LINGO2: variants seen among roughly 807,000 people sequenced by gnomAD.
LINGO2 encodes leucine-rich repeat and immunoglobulin-like domain-containing nogo receptor-interacting protein 2.
LINGO2 carries 14 observed loss-of-function variants against 30.6 expected under a neutral mutation model. The observed-to-expected ratio is 0.46, with a 90% CI of 0.30 to 0.72. LINGO2 has a LOEUF of 0.72. Among genes scored for constraint, LINGO2 ranks in the 30% least tolerant of loss-of-function variants. LINGO2 has a pLI of 0.07. For synonymous variants in LINGO2, 317 were observed against 288.5 expected (o/e 1.10, Z -1.00); for missense variants, 729 against 751.7 (o/e 0.97, Z 0.35).
At chr9:28,875,879 T>G in the LINGO2 span, among the ~76,000 whole-genome samples, 1 of 152,158 alleles carries the variant, frequency 6.6e-6, no homozygotes, top group African/African-American at 2.4e-5. Flanking sequence ...TAATGCTTAA[T>G]ACATTTATGT....
At chr9:29,002,384 C>T in the LINGO2 span, among the ~76,000 whole-genome samples, 2 of 151,976 alleles carry the variant, frequency 1.3e-5, no homozygotes, top group Admixed American at 6.6e-5. Flanking sequence ...ATATGAATAG[C>T]ACATACACAG....
chr9:28,843,442 G>T, the LINGO2 span, among the ~76,000 whole-genome samples: 2 of 151,572 alleles, frequency 1.3e-5, no homozygotes, highest in Non-Finnish European at 2.9e-5. Flanking sequence ...TAAGGTTACA[G>T]AAATAGATAA....
intron 1 of LINGO2, among the ~76,000 whole-genome samples, chr9:28,496,513 A>G (rs986105834): frequency 6.6e-6 from 1 of 151,056 alleles, no homozygotes; most frequent in African/African-American, 2.5e-5. Context: ...TTTGCTTGGT[A>G]GATCTTCCTC....
chr9:28,409,131 G>C (rs142033348), intron 2 of LINGO2, among the ~76,000 whole-genome samples: 4,514 of 151,952 alleles, frequency 0.03, 115 homozygotes, highest in Admixed American at 0.071. Flanking sequence ...AATAAATTTT[G>C]AACACATGGC....
At chr9:28,413,196 C>T (rs1471231061) in intron 2 of LINGO2, among the ~76,000 whole-genome samples, 2 of 152,142 alleles carry the variant, frequency 1.3e-5, no homozygotes, top group Middle Eastern at 3.4e-3. Flanking sequence ...AAATTAAATG[C>T]AGATTTTCGA....
intron 4 of LINGO2, among the ~76,000 whole-genome samples, chr9:28,254,760 A>T (rs930273362): frequency 2.0e-5 from 3 of 152,060 alleles, no homozygotes; most frequent in Admixed American, 6.6e-5. Flanking sequence ...GAAATACCAA[A>T]TTTTTTAAAA....
At chr9:29,057,407 T>A in the LINGO2 span, among the ~76,000 whole-genome samples, 1 of 152,204 alleles carries the variant, frequency 6.6e-6, no homozygotes, top group Non-Finnish European at 1.5e-5. Context: ...CAATCATTTA[T>A]AAAAGAATGA....
At chr9:28,312,468 A>T (rs527677978) in intron 3 of LINGO2, among the ~76,000 whole-genome samples, 2 of 152,232 alleles carry the variant, frequency 1.3e-5, no homozygotes, top group South Asian at 2.1e-4. Context: ...AAATAAAGTG[A>T]TTATGATTAC....
chr9:28,325,933 G>GTCT (rs755669469), intron 3 of LINGO2, among the ~76,000 whole-genome samples: 2 of 152,092 alleles, frequency 1.3e-5, no homozygotes, highest in South Asian at 4.1e-4. Flanking sequence ...TACTGCAACA[G>GTCT]TCTTAAATAA....
chr9:28,349,476 C>A (rs1819753804), intron 3 of LINGO2, among the ~76,000 whole-genome samples: 1 of 106,924 alleles, frequency 9.4e-6, no homozygotes, highest in South Asian at 3.9e-4. Context: ...ATGAGCAAAG[C>A]CTCCAAGAAA....
At chr9:28,083,458 A>G (rs1587824145) in intron 4 of LINGO2, among the ~76,000 whole-genome samples, 1 of 152,146 alleles carries the variant, frequency 6.6e-6, no homozygotes, top group Non-Finnish European at 1.5e-5. Context: ...TCCTCCCCCA[A>G]TAGGTTGACT....
chr9:29,163,009 G>C, the LINGO2 span, among the ~76,000 whole-genome samples: 1 of 152,090 alleles, frequency 6.6e-6, no homozygotes, highest in African/African-American at 2.4e-5. Flanking sequence ...AAGAGAGACT[G>C]AACATTACAT....
chr9:28,897,911 A>T, the LINGO2 span, among the ~76,000 whole-genome samples: 1 of 152,148 alleles, frequency 6.6e-6, no homozygotes, highest in South Asian at 2.1e-4. Flanking sequence ...TATTTAAATC[A>T]AAATCAAACT....
At chr9:29,166,223 C>G in the LINGO2 span, among the ~76,000 whole-genome samples, 1 of 151,924 alleles carries the variant, frequency 6.6e-6, no homozygotes, top group South Asian at 2.1e-4. Flanking sequence ...TTTTCTTTTT[C>G]TCCTCTTCTC....
Position 28,364,185 on chromosome 9 carries a change from A to G in LINGO2, c.-246+8651T>C, listed in dbSNP as rs527884408. 1.8e-4 allele frequency among the ~76,000 whole-genome samples: 28 copies of G among 152,276 alleles called. 1 individual carries two copies. The Middle Eastern group carries it at 0.01, about 55-fold the overall frequency. On this transcript the variant is annotated intron_variant, in intron 3 of 5. Transcript: ENST00000379992. ...ATAGTCCTTCTGCAGATGATTCTTT[A>G]TATGATTAGACATAACAGTTTGGTC...
intron 1 of LINGO2, among the ~76,000 whole-genome samples, chr9:28,580,498 T>A (rs1168666901): frequency 6.6e-6 from 1 of 151,956 alleles, no homozygotes. Context: ...ATCAGAGATC[T>A]CTATGGAAGG....
In LINGO2 at chr9:28,091,601, A is replaced by G. The variant is rs187370420; in HGVS notation, c.-86-79196T>C. Reference sequence around the variant, plus strand: ...AGACCTAAAACCATAAAATCCCTAGAAGAAAACCTAGGCAATACCATTCAG... The same window carrying G: ...AGACCTAAAACCATAAAATCCCTAGGAGAAAACCTAGGCAATACCATTCAG... On this transcript the variant is annotated intron_variant, in intron 4 of 5. Coordinates refer to ENST00000379992, the Ensembl canonical transcript of LINGO2. Among the ~76,000 whole-genome samples the G allele has an allele frequency of 2.0e-3, 300 of 152,328 alleles. 1 individual carries two copies. The highest frequency in any genetic ancestry group is 6.9e-3 in the African/African-American group (285 of 41,578).
chr9:28,630,356 T>G (rs1356869361), intron 1 of LINGO2, among the ~76,000 whole-genome samples: 4 of 152,154 alleles, frequency 2.6e-5, no homozygotes, highest in Non-Finnish European at 4.4e-5. Flanking sequence ...TTTTTTCTAT[T>G]ATTAATACTG....
chr9:28,769,496 ATATATATATATATATATATATATTTTTTT>A, the LINGO2 span, among the ~76,000 whole-genome samples: 1 of 21,702 alleles, frequency 4.6e-5, no homozygotes, highest in Non-Finnish European at 7.0e-5. Context: ...ATATATATAT[ATATATATATATATATATATATATTTTTTT>A]TTTTTTTTTT....
Sources: gnomAD v4.1 joint callset for allele counts (sites outside exome capture counted in the v4.1 genomes callset) on GRCh38, gnomAD v4.1.1 for gene constraint, MANE v1.5 for transcripts, NCBI Gene and HGNC (gene_info 2026-07-23, HGNC 2026-07-21) for gene names.